Variants in ANTXR2 observed in about 807,000 individuals in gnomAD.
The protein encoded by ANTXR2 is ANTXR cell adhesion molecule 2, also known as anthrax toxin receptor 2.
ANTXR2 carries 44 observed loss-of-function variants against 73.7 expected under a neutral mutation model. The ratio of observed to expected loss-of-function variants is 0.60; its 90% CI spans 0.47 to 0.77. The LOEUF is 0.77. Ranked by LOEUF, ANTXR2 falls within the 30% of genes least tolerant of loss-of-function variation. The pLI is 0.00. For missense variants in ANTXR2, 604 were observed against 592.5 expected (o/e 1.02, Z -0.20); for synonymous variants, 217 against 205.9 (o/e 1.05, Z -0.46).
At position 80,002,392 on chromosome 4, in the gene ANTXR2, C is replaced by T. The variant is rs1204376836; in HGVS notation, c.1041+6129G>A. 2.6e-5 allele frequency among the ~76,000 whole-genome samples: 4 copies of T among 152,212 alleles called. No homozygotes were observed. In the East Asian group the frequency reaches 7.7e-4, roughly 29 times the overall value. On this transcript the variant is annotated intron_variant, in intron 12 of 16. Coordinates refer to ENST00000403729, the MANE Select transcript of ANTXR2 (RefSeq NM_058172.6). ...CTGAAACTGGATCCCTTCCTTACAC[C>T]TTATACAAAAATTAATTCAAGATGA... is the stretch of plus-strand genomic sequence containing the variant.
intron 10 of ANTXR2, among the ~76,000 whole-genome samples, chr4:80,029,664 G>A (rs1732599851): frequency 6.6e-6 from 1 of 151,874 alleles, no homozygotes; most frequent in Non-Finnish European, 1.5e-5. Flanking sequence ...AGGTATACAG[G>A]TTACAGACTC....
chr4:79,975,381 TATTACTTGATGCC>T lies in ANTXR2; in HGVS notation c.1428+2227_1428+2239del, dbSNP rs549545902. The stretch of plus-strand genomic sequence containing the variant: ...GCTGCTGTTTGTTTCTACCCTTTGA[TATTACTTGATGCC>T]ATTGCTTTTACATATTCATAATCCA... On this transcript the variant is annotated intron_variant, in intron 16 of 16. Transcript: ENST00000403729. Among the ~76,000 whole-genome samples, 60 of 152,316 alleles carry T rather than the reference TATTACTTGATGCC, an allele frequency of 3.9e-4. No homozygotes were observed. The East Asian group carries it at 0.011, about 27-fold the overall frequency.
intron 14 of ANTXR2, among the ~76,000 whole-genome samples, chr4:79,979,540 TTAC>T (rs1403445581): frequency 1.2e-4 from 18 of 152,356 alleles, no homozygotes; most frequent in African/African-American, 4.3e-4. Context: ...TTACCTTTTT[TTAC>T]TACAATTTTA....
chr4:80,027,438 A>T (rs1484934528), intron 10 of ANTXR2, among the ~76,000 whole-genome samples: 1 of 152,156 alleles, frequency 6.6e-6, no homozygotes, highest in African/African-American at 2.4e-5. Context: ...TGTTCATCTC[A>T]ATGATCCTTC....
chr4:80,010,090 A>C (rs1374380437), intron 11 of ANTXR2, among the ~76,000 whole-genome samples: 1 of 151,666 alleles, frequency 6.6e-6, no homozygotes, highest in Non-Finnish European at 1.5e-5. Context: ...AAAGAAAAAG[A>C]GCAAAAGAGA....
chr4:79,974,648 A>G (rs925794716), intron 16 of ANTXR2, among the ~76,000 whole-genome samples: 1 of 151,880 alleles, frequency 6.6e-6, no homozygotes, highest in Non-Finnish European at 1.5e-5. Flanking sequence ...GCTTTACATA[A>G]TATTTGATAA....
intron 2 of ANTXR2, among the ~76,000 whole-genome samples, chr4:80,069,749 T>C (rs1233409594): frequency 6.6e-6 from 1 of 152,208 alleles, no homozygotes; most frequent in Non-Finnish European, 1.5e-5. Flanking sequence ...GACTTGCATT[T>C]AGAGAGAGAC....
At chr4:79,982,874 C>T (rs1380332724) in intron 14 of ANTXR2, among the ~76,000 whole-genome samples, 1 of 152,070 alleles carries the variant, frequency 6.6e-6, no homozygotes, top group Admixed American at 6.5e-5. Context: ...CTAATGACAA[C>T]CATGTTCAGT....
intron 7 of ANTXR2, among the ~76,000 whole-genome samples, chr4:80,039,942 TG>T (rs1560417647): frequency 1.3e-5 from 2 of 151,932 alleles, no homozygotes; most frequent in African/African-American, 4.8e-5. Flanking sequence ...GCCATAAAAA[TG>T]AATGAAATAT....
intron 10 of ANTXR2, among the ~76,000 whole-genome samples, chr4:80,029,326 T>G (rs1732580481): frequency 6.7e-6 from 1 of 148,824 alleles, no homozygotes; most frequent in African/African-American, 2.4e-5. Context: ...CACTATTATT[T>G]GAAAGCCAAG....
At position 79,905,509 on chromosome 4, in the gene ANTXR2, A is replaced by T. The variant is rs1044850395; in HGVS notation, c.*1920T>A. ...TCCATCCCTGAAACTAAGCATAACA[A>T]CTGCATATTCAACCCAAGAAGGCAT... On this transcript the variant is annotated 3_prime_UTR_variant, in exon 17 of 17. Coordinates refer to ENST00000403729, the MANE Select transcript of ANTXR2 (RefSeq NM_058172.6). The T allele has an allele frequency of 3.3e-5, 5 of 152,160 alleles. No individual in the cohort carries two copies. Among genetic ancestry groups the T allele is most frequent in the Non-Finnish European group, 5.9e-5 (4 of 68,034 alleles). The allele number at this position is 152,160 out of a possible 1,614,324, so 9.4% of individuals were successfully genotyped here.
At position 80,040,227 on chromosome 4, in the gene ANTXR2, A is replaced by T. The variant is rs570428220; in HGVS notation, c.637-4195T>A. On this transcript the variant is annotated intron_variant, in intron 7 of 16. Transcript: ENST00000403729. ...CCAAAACCTCAGTATCATGCAATAC[A>T]CCTAGGTGACAAACCTGCACAACCT... 8.2e-5 allele frequency among the ~76,000 whole-genome samples: 12 copies of T among 145,678 alleles called. No individual in the cohort carries two copies. In the East Asian group the frequency reaches 1.9e-3, roughly 24 times the overall value.
chr4:79,953,522 T>C (rs1345233669), intron 16 of ANTXR2, among the ~76,000 whole-genome samples: 1 of 152,178 alleles, frequency 6.6e-6, no homozygotes, highest in Non-Finnish European at 1.5e-5. Context: ...GGCTTTTCCA[T>C]AGTAAATCTG....
At chr4:80,007,141 C>T (rs530286128) in intron 12 of ANTXR2, among the ~76,000 whole-genome samples, 1 of 152,280 alleles carries the variant, frequency 6.6e-6, no homozygotes, top group South Asian at 2.1e-4. Flanking sequence ...AAAGGATTGT[C>T]AAGTTGCCTC....
At chr4:79,946,636 G>A (rs1009412167) in intron 16 of ANTXR2, among the ~76,000 whole-genome samples, 6 of 152,084 alleles carry the variant, frequency 3.9e-5, no homozygotes, top group Non-Finnish European at 8.8e-5. Flanking sequence ...GGGAATGAGT[G>A]TCTCCATCCT....
intron 10 of ANTXR2, among the ~76,000 whole-genome samples, chr4:80,031,275 T>G (rs1177072957): frequency 3.3e-5 from 2 of 60,444 alleles, no homozygotes; most frequent in Non-Finnish European, 1.1e-4. Flanking sequence ...TGCACACACA[T>G]GTGTGTGCGT....
intron 10 of ANTXR2, among the ~76,000 whole-genome samples, chr4:80,030,261 G>T (rs1732628941): frequency 6.6e-6 from 1 of 152,008 alleles, no homozygotes; most frequent in South Asian, 2.1e-4. Context: ...AAAAATGATG[G>T]AGCTGCCAAT....
intron 16 of ANTXR2, among the ~76,000 whole-genome samples, chr4:79,957,338 G>T (rs1047176064): frequency 6.6e-6 from 1 of 151,838 alleles, no homozygotes; most frequent in Non-Finnish European, 1.5e-5. Context: ...AAAATAAATG[G>T]GTTGATAAAT....
intron 7 of ANTXR2, among the ~76,000 whole-genome samples, chr4:80,037,743 A>G (rs747516941): frequency 5.9e-5 from 9 of 152,164 alleles, no homozygotes; most frequent in Non-Finnish European, 1.0e-4. Flanking sequence ...CATAATTCAG[A>G]TAACAAGACT....
Sources: allele counts gnomAD v4.1 joint callset (sites outside exome capture counted in the v4.1 genomes callset), GRCh38; gene constraint gnomAD v4.1.1; transcripts MANE v1.5; gene names NCBI Gene and HGNC (gene_info 2026-07-23, HGNC 2026-07-21).